Variants in DUSP12 observed in about 807,000 individuals in gnomAD.
DUSP12 encodes dual specificity phosphatase 12.
Under a neutral mutation model 38.9 loss-of-function variants are expected in DUSP12, and 25 were observed. The observed-to-expected ratio is 0.64, with a 90% confidence interval of 0.47 to 0.90. DUSP12 has a LOEUF of 0.90. DUSP12 is among the 40% of genes least tolerant of loss of function. The pLI, the probability that DUSP12 is intolerant of heterozygous loss-of-function variation, is 0.00. For missense variants in DUSP12, 403 were observed against 427.0 expected, an observed-to-expected ratio of 0.94 and a Z score of 0.50; for synonymous variants, 153 against 153.9, an observed-to-expected ratio of 0.99 and a Z score of 0.05.
intron 5 of DUSP12, among the ~76,000 whole-genome samples, chr1:161,754,655 T>C (rs986967276): frequency 2.0e-5 from 3 of 152,188 alleles, no homozygotes; most frequent in African/African-American, 4.8e-5. Flanking sequence ...CAAACACTTA[T>C]AAAACCATCA....
chr1:161,750,255 G>T, intron 1 of DUSP12, 110 bp downstream of exon 1: 1 of 1,214,510 alleles, frequency 8.2e-7, no homozygotes, highest in Admixed American at 2.7e-5. Flanking sequence ...CATGCCGCGT[G>T]AACCTCCTCC....
intron 5 of DUSP12, 90 bp downstream of exon 5, chr1:161,753,351 T>C (rs1308669699): frequency 1.9e-6 from 2 of 1,070,094 alleles, no homozygotes; most frequent in Non-Finnish European, 2.6e-6. Flanking sequence ...ACTAGTGTTT[T>C]GCTCCATTTC....
intron 4 of DUSP12, among the ~76,000 whole-genome samples, 160 bp from the exon 5 acceptor site, chr1:161,752,915 A>G (rs1169542337): frequency 2.0e-5 from 3 of 151,956 alleles, no homozygotes; most frequent in Non-Finnish European, 2.9e-5. Context: ...GGTTGAACCC[A>G]GGAGGCGGAG....
At chr1:161,753,704 AG>A (rs1383651052) in intron 5 of DUSP12, among the ~76,000 whole-genome samples, 13 of 152,300 alleles carry the variant, frequency 8.5e-5, no homozygotes, top group Admixed American at 2.6e-4. Context: ...TATAAAAGAA[AG>A]TAAAAAATTT....
At position 161,750,010 on chromosome 1, in the gene DUSP12, C is replaced by G; in HGVS notation, c.209C>G (p.Pro70Arg). 6.2e-7 allele frequency: 1 copy of G among 1,614,070 alleles called. No homozygotes were observed. Among genetic ancestry groups the G allele is most frequent in the Non-Finnish European group, 8.5e-7 (1 of 1,179,984 alleles). Residue 70 changes from proline to arginine, a missense_variant, in exon 1 of 6, where the codon CCT (proline) becomes CGT (arginine). Pro to Arg is a moderately radical substitution (Grantham distance 103). Transcript: ENST00000367943. ...GAGGAGCCCAGCTTCAAGGCGGGGC[C>G]TGGGGTCGAGGATCTATGGCGCCTC... ...DSEEPSFKAG[P>R]GVEDLWRLFV...
chr1:161,752,761 A>G (rs970736085), intron 4 of DUSP12, among the ~76,000 whole-genome samples: 31 of 152,160 alleles, frequency 2.0e-4, no homozygotes, highest in Admixed American at 1.4e-3. Flanking sequence ...AGGCCGAGGC[A>G]GGCAGATCAC....
intron 1 of DUSP12, among the ~76,000 whole-genome samples, chr1:161,750,579 G>T (rs991121897): frequency 9.2e-5 from 14 of 152,188 alleles, no homozygotes; most frequent in African/African-American, 2.9e-4. Context: ...ATGAAGAGAT[G>T]AATTGGTTTG....
rs759060056 is a variant in DUSP12 at position 161,753,194 on chromosome 1, G to A, written c.794G>A (p.Cys265Tyr). The A allele has an allele frequency of 6.2e-7, 1 of 1,614,042 alleles. No homozygotes were observed. The highest frequency in any genetic ancestry group is 8.5e-7 in the Non-Finnish European group (1 of 1,179,940). The change falls in exon 5 of 6, where the codon TGT becomes TAT. Residue 265 changes from cysteine to tyrosine, a missense_variant. By Grantham distance (194) the Cys-to-Tyr change is radical. Coordinates refer to ENST00000367943, the MANE Select transcript of DUSP12 (RefSeq NM_007240.3). Reference protein sequence around the residue: ...SMLTTGRQAQCTSYFIEPVQW... With the variant: ...SMLTTGRQAQYTSYFIEPVQW... Reference sequence around the variant, plus strand: ...CTTACCACAGGGAGGCAAGCTCAATGTACATCTTATTTCATTGAACCTGTA... The same window carrying A: ...CTTACCACAGGGAGGCAAGCTCAATATACATCTTATTTCATTGAACCTGTA...
rs149171825 is a variant in DUSP12 at position 161,749,945 on chromosome 1, G to T, written c.144G>T (p.Leu48=). The change falls in exon 1 of 6, where the codon CTG becomes CTT. Residue 48 remains leucine, a synonymous_variant. Coordinates refer to ENST00000367943, the MANE Select transcript of DUSP12 (RefSeq NM_007240.3). ...CGGCCGTCGCGGAGCCAGATCACCT[G>T]AGGGAAGCGGGCATCACGGCCGTGC... ...GAAAVAEPDH[L]REAGITAVLT... The T allele has an allele frequency of 5.5e-4, 881 of 1,614,024 alleles. 7 individuals carry two copies. In the African/African-American group the frequency reaches 0.011, roughly 19 times the overall value.
At chr1:161,754,609 G>A (rs140260162) in intron 5 of DUSP12, among the ~76,000 whole-genome samples, 2 of 152,246 alleles carry the variant, frequency 1.3e-5, no homozygotes, top group East Asian at 1.9e-4. Context: ...TTCACAAGGC[G>A]GCAGGAGAGA....
rs964673158 is a variant in DUSP12, at chr1:161,750,156, G to A, written c.344+11G>A. ...GGTGTTGGTGCACTGGTGAGTGGCC[G>A]GGTCAGTGGGTGACGTGCCCCGCCA... On this transcript the variant is annotated intron_variant, in intron 1 of 5. Transcript: ENST00000367943. 6.3e-7 allele frequency: 1 copy of A among 1,599,656 alleles called. No homozygotes were observed.
intron 4 of DUSP12, 27 bp from the exon 5 acceptor site, chr1:161,753,048 A>C: frequency 6.4e-7 from 1 of 1,570,572 alleles, no homozygotes; most frequent in Non-Finnish European, 8.6e-7. Flanking sequence ...GAAGTCATTA[A>C]TGCTTTTGTT....
chr1:161,751,422 A>G (rs1684016821), intron 1 of DUSP12: 2 of 378,104 alleles, frequency 5.3e-6, no homozygotes, highest in Admixed American at 4.3e-5. Flanking sequence ...GTTCTGAGCC[A>G]TTATAAAAAT....
chr1:161,752,990 A>C (rs1221238039), intron 4 of DUSP12, 85 bp from the exon 5 acceptor site: 1 of 1,187,420 alleles, frequency 8.4e-7, no homozygotes, highest in Admixed American at 4.0e-5. Flanking sequence ...ACTCTGTCTC[A>C]AAAAAAAAAG....
At chr1:161,756,600 C>T (rs1488269604) in intron 5 of DUSP12, among the ~76,000 whole-genome samples, 186 bp from the exon 6 acceptor site, 1 of 150,448 alleles carries the variant, frequency 6.6e-6, no homozygotes, top group Non-Finnish European at 1.5e-5. Flanking sequence ...CAACATTCTT[C>T]CTATGAGATA....
chr1:161,752,891 GAGGC>G (rs1422713928), intron 4 of DUSP12, among the ~76,000 whole-genome samples, 180 bp from the exon 5 acceptor site: 2 of 152,016 alleles, frequency 1.3e-5, no homozygotes, highest in Non-Finnish European at 2.9e-5. Flanking sequence ...TCAGGAGGCT[GAGGC>G]AGGAGAATTG....
At chr1:161,756,517 A>ATATATATG (rs1426094586) in intron 5 of DUSP12, among the ~76,000 whole-genome samples, 1 of 129,006 alleles carries the variant, frequency 7.8e-6, no homozygotes, top group Admixed American at 7.7e-5. Flanking sequence ...ATATATATAT[A>ATATATATG]TATGCCACAT....
At chr1:161,753,910 C>A (rs1051361403) in intron 5 of DUSP12, among the ~76,000 whole-genome samples, 5 of 147,354 alleles carry the variant, frequency 3.4e-5, no homozygotes, top group Non-Finnish European at 7.7e-5. Context: ...CTATGAGATT[C>A]TTTTTCATTT....
Position 161,757,090 on chromosome 1 carries a change from T to A in DUSP12, c.*143T>A, listed in dbSNP as rs1294981424. 5.2e-6 allele frequency: 4 copies of A among 773,822 alleles called. No individual in the cohort carries two copies. The allele number at this position is 773,822 out of a possible 1,614,324, so 47.9% of individuals were successfully genotyped here. ...AAATCACTTGATGTAACCTGGAAACTATGCTTTACATGGCAATCAAAGCCT... is the reference window on the plus strand; with the variant it reads ...AAATCACTTGATGTAACCTGGAAACAATGCTTTACATGGCAATCAAAGCCT... On this transcript the variant is annotated 3_prime_UTR_variant, in exon 6 of 6. Transcript: ENST00000367943.
Sources: allele counts gnomAD v4.1 joint callset (sites outside exome capture counted in the v4.1 genomes callset), GRCh38; gene constraint gnomAD v4.1.1; transcripts MANE v1.5; gene names NCBI Gene and HGNC (gene_info 2026-07-23, HGNC 2026-07-21).